Variants in PLEKHM1 observed in about 807,000 individuals in gnomAD.
PLEKHM1 encodes the protein pleckstrin homology and RUN domain containing M1.
In PLEKHM1, 28 loss-of-function variants were observed where a neutral mutation model predicts 94.3. The ratio of observed to expected loss-of-function variants is 0.30; its 90% CI spans 0.22 to 0.41. The LOEUF (loss-of-function observed/expected upper bound fraction) is 0.41. Ranked by LOEUF, PLEKHM1 falls within the 10% of genes least tolerant of loss-of-function variation. PLEKHM1 has a pLI of 1.00. For synonymous variants in PLEKHM1, 424 were observed against 581.2 expected, an observed-to-expected ratio of 0.73 and a Z score of 3.89; for missense variants, 907 against 1,358.6, an observed-to-expected ratio of 0.67 and a Z score of 5.22.
intron 1 of PLEKHM1, among the ~76,000 whole-genome samples, chr17:45,482,784 C>T (rs576775993): frequency 5.8e-4 from 88 of 152,224 alleles, no homozygotes; most frequent in African/African-American, 2.0e-3. Context: ...GTGGTAAGGG[C>T]GCTTCACATC....
chr17:45,471,106 A>C (rs1029738901), intron 4 of PLEKHM1, among the ~76,000 whole-genome samples: 2 of 152,208 alleles, frequency 1.3e-5, no homozygotes, highest in Non-Finnish European at 2.9e-5. Context: ...ATAAAAAGAC[A>C]AATAACTAAA....
At chr17:45,470,071 CAA>C (rs1213768951) in intron 4 of PLEKHM1, among the ~76,000 whole-genome samples, 1 of 140,568 alleles carries the variant, frequency 7.1e-6, no homozygotes, top group Admixed American at 7.1e-5. Flanking sequence ...GACTCCATCT[CAA>C]AAAAAAAAAG....
chr17:45,462,433 G>A (rs1366202500), intron 5 of PLEKHM1, among the ~76,000 whole-genome samples: 1 of 151,974 alleles, frequency 6.6e-6, no homozygotes, highest in African/African-American at 2.4e-5. Context: ...ATATACCTGG[G>A]AAGTTGTGTG....
intron 8 of PLEKHM1, among the ~76,000 whole-genome samples, chr17:45,447,187 C>T (rs2050632812): frequency 6.6e-6 from 1 of 152,168 alleles, no homozygotes; most frequent in South Asian, 2.1e-4. Flanking sequence ...CTAAACTGGC[C>T]CTCAGGAGAC....
rs2051402694 is a variant in PLEKHM1 at position 45,468,689 on chromosome 17, A to G, written c.924-96T>C. 6 of 1,271,056 alleles carry G rather than the reference A, an allele frequency of 4.7e-6. No homozygotes were observed. The South Asian group carries it at 4.8e-5, about 10-fold the overall frequency. 78.7% of individuals were successfully genotyped at this position (1,271,056 alleles called of 1,614,324 possible). The stretch of plus-strand genomic sequence containing the variant: ...GGGAAGAATGCAAAACTGCTGTTTT[A>G]TGATTTAAAACAACCCACACCCTCT... On this transcript the variant is annotated intron_variant, in intron 4 of 11. Transcript: ENST00000430334.
At position 45,477,974 on chromosome 17, in the gene PLEKHM1, T is replaced by C; in HGVS notation, c.222A>G (p.Lys74=). The change falls in exon 3 of 12, where the codon AAA becomes AAG. Residue 74 remains lysine, a synonymous_variant. Transcript: ENST00000430334. The stretch of plus-strand genomic sequence containing the variant: ...GCTTCTGGTGGGCACTTTTCTTCCT[T>C]TTTCCTCCGGCCTCAGCTCGGATGT... The part of the protein sequence containing the change: ...AKHIRAEAGG[K]RKKSAHQKPL... 6.2e-7 allele frequency: 1 copy of C among 1,614,080 alleles called. No homozygotes were observed. Among genetic ancestry groups the C allele is most frequent in the Non-Finnish European group, 8.5e-7 (1 of 1,179,972 alleles).
In PLEKHM1 at chr17:45,475,143, G is replaced by A; in HGVS notation, c.880C>T (p.Leu294=). 1 of 1,613,982 alleles carries A rather than the reference G, an allele frequency of 6.2e-7. No individual in the cohort carries two copies. Among genetic ancestry groups the A allele is most frequent in the South Asian group, 1.1e-5 (1 of 91,076 alleles). ...CEEPMSCDSD[L]GTANAEDSDR... ...GAGTCCTCAGCATTTGCTGTGCCCA[G>A]GTCTGAGTCACAGGACATGGGCTCC... The change falls in exon 4 of 12, where the codon CTG becomes TTG. Residue 294 remains leucine (L), a synonymous_variant. Transcript: ENST00000430334.
At chr17:45,474,974 T>C (rs1325374886) in intron 4 of PLEKHM1, 126 bp downstream of exon 4, 5 of 977,738 alleles carry the variant, frequency 5.1e-6, no homozygotes, top group Non-Finnish European at 8.0e-6. Flanking sequence ...ATGACTCCCT[T>C]GGCTTTCTTT....
In PLEKHM1 at chr17:45,490,557, G is replaced by T. The variant is rs1039927270; in HGVS notation, c.-42+95C>A. On this transcript the variant is annotated intron_variant, in intron 1 of 11. Transcript: ENST00000430334. The stretch of plus-strand genomic sequence containing the variant: ...GCAGTCTCAGGGTAACCAGGGGCTG[G>T]GAATCGCGGAGGGAGCGGGAGGCCC... The T allele has an allele frequency of 3.1e-4, 123 of 399,760 alleles. 1 individual carries two copies. The highest frequency in any genetic ancestry group is 6.2e-4 in the Non-Finnish European group (121 of 196,126). 24.8% of individuals were successfully genotyped at this position (399,760 alleles called of 1,614,324 possible).
intron 1 of PLEKHM1, among the ~76,000 whole-genome samples, chr17:45,488,861 C>A (rs938748423): frequency 6.6e-6 from 1 of 152,112 alleles, no homozygotes; most frequent in Admixed American, 6.5e-5. Flanking sequence ...ATCGCTTGAA[C>A]CTGGGAGGCA....
chr17:45,440,106 T>A (rs759432738), intron 10 of PLEKHM1, 57 bp downstream of exon 10: 1 of 1,498,678 alleles, frequency 6.7e-7, no homozygotes, highest in East Asian at 2.3e-5. Flanking sequence ...CCTTGCTGAC[T>A]TCTCTGGGAA....
Position 45,477,836 on chromosome 17 carries a change from A to G in PLEKHM1, c.296+64T>C, listed in dbSNP as rs2051801961. On this transcript the variant is annotated intron_variant, in intron 3 of 11. Transcript: ENST00000430334. ...TGGCTTCCTGAACAGCTGGGGAGGA[A>G]AAGCCAAGTGTCCCATAGTCTGCTG... The G allele has an allele frequency of 1.9e-6, 3 of 1,596,698 alleles. No individual in the cohort carries two copies. In the South Asian group the frequency reaches 3.4e-5, roughly 18 times the overall value.
intron 2 of PLEKHM1, among the ~76,000 whole-genome samples, chr17:45,478,877 T>C (rs1347134346): frequency 6.6e-6 from 1 of 152,084 alleles, no homozygotes; most frequent in Admixed American, 6.6e-5. Context: ...CTAGGCTCAG[T>C]CCTAGCTGCC....
intron 7 of PLEKHM1, among the ~76,000 whole-genome samples, chr17:45,451,973 G>A (rs886253): frequency 5.9e-5 from 9 of 152,212 alleles, no homozygotes; most frequent in Non-Finnish European, 1.2e-4. Flanking sequence ...TCCCATCCTC[G>A]CGGGGCCAAC....
chr17:45,448,702 AGACACT>A (rs2050684613), intron 8 of PLEKHM1, among the ~76,000 whole-genome samples: 1 of 152,198 alleles, frequency 6.6e-6, no homozygotes, highest in African/African-American at 2.4e-5. Context: ...ACCCCGACAC[AGACACT>A]GTTGTTAACC....
In PLEKHM1 at chr17:45,436,259, G is replaced by A. The variant is rs2050253034; in HGVS notation, c.*1599C>T. On this transcript the variant is annotated 3_prime_UTR_variant, in exon 12 of 12. Coordinates refer to ENST00000430334, the MANE Select transcript of PLEKHM1 (RefSeq NM_014798.3). ...GGGCTCTGACTAGGCTGGGCTTGTG[G>A]TGGAGCGTTAATGTGGGCCATGGCG... 2.2e-6 allele frequency: 1 copy of A among 454,256 alleles called. No homozygotes were observed. The highest frequency in any genetic ancestry group is 4.4e-6 in the Non-Finnish European group (1 of 226,850). The allele number at this position is 454,256 out of a possible 1,614,324, so 28.1% of individuals were successfully genotyped here.
chr17:45,458,136 TG>T (rs2051023887), intron 6 of PLEKHM1, 32 bp downstream of exon 6: 2 of 1,603,204 alleles, frequency 1.2e-6, no homozygotes, highest in African/African-American at 2.7e-5. Flanking sequence ...TCCCTGCAGA[TG>T]GGACCCACCC....
intron 4 of PLEKHM1, 139 bp from the exon 5 acceptor site, chr17:45,468,732 C>T: frequency 1.2e-6 from 1 of 865,460 alleles, no homozygotes; most frequent in East Asian, 2.5e-5. Context: ...CCACTGCACT[C>T]CCCCTCACGC....
At chr17:45,464,405 C>T (rs1984920) in intron 5 of PLEKHM1, among the ~76,000 whole-genome samples, 4 of 152,122 alleles carry the variant, frequency 2.6e-5, no homozygotes, top group South Asian at 2.1e-4. Flanking sequence ...AACTTGACAG[C>T]GACCCCAACA....
Sources: allele counts gnomAD v4.1 joint callset (sites outside exome capture counted in the v4.1 genomes callset), GRCh38; gene constraint gnomAD v4.1.1; transcripts MANE v1.5; gene names NCBI Gene and HGNC (gene_info 2026-07-23, HGNC 2026-07-21).